Variants in DACH1 observed in about 807,000 individuals in gnomAD.
DACH1 encodes the protein dachshund homolog 1.
A neutral mutation model predicts 54.2 loss-of-function variants in DACH1; 12 were observed. The ratio of observed to expected loss-of-function variants is 0.22; its 90% CI spans 0.14 to 0.36. The LOEUF is 0.36. Ranked by LOEUF, DACH1 falls within the 10% of genes least tolerant of loss-of-function variation. The pLI is 1.00. For synonymous variants in DACH1, 386 were observed against 366.2 expected (o/e 1.05, Z -0.62); for missense variants, 805 against 929.8 (o/e 0.87, Z 1.75).
intron 1 of DACH1, among the ~76,000 whole-genome samples, chr13:71,709,442 G>C (rs1369859711): frequency 2.0e-5 from 3 of 149,400 alleles, no homozygotes; most frequent in Non-Finnish European, 4.5e-5. Flanking sequence ...GTCCTGCTTT[G>C]TCCCACCGAG....
chr13:71,861,479 C>A (rs1874348476), intron 1 of DACH1, among the ~76,000 whole-genome samples: 1 of 151,912 alleles, frequency 6.6e-6, no homozygotes, highest in Admixed American at 6.6e-5. Flanking sequence ...TTTGACTGAA[C>A]AAAGTAAATT....
At chr13:71,826,952 G>T (rs983067155) in intron 1 of DACH1, among the ~76,000 whole-genome samples, 5 of 152,018 alleles carry the variant, frequency 3.3e-5, no homozygotes, top group African/African-American at 4.8e-5. Flanking sequence ...TTACAATTAC[G>T]TATGTACAGG....
At chr13:71,816,779 A>G (rs1438579636) in intron 1 of DACH1, among the ~76,000 whole-genome samples, 2 of 151,942 alleles carry the variant, frequency 1.3e-5, no homozygotes, top group African/African-American at 4.8e-5. Flanking sequence ...ATGGAGATGG[A>G]GGCCATTGTC....
chr13:71,549,456 T>C (rs555060972), intron 6 of DACH1, among the ~76,000 whole-genome samples: 1 of 152,260 alleles, frequency 6.6e-6, no homozygotes, highest in African/African-American at 2.4e-5. Context: ...GTAAAACTAC[T>C]ATAATGTATA....
In DACH1 at chr13:71,560,232, C is replaced by T. The variant is rs192292426; in HGVS notation, c.1300-277G>A. Among the ~76,000 whole-genome samples the T allele has an allele frequency of 2.1e-4, 32 of 152,040 alleles. No homozygotes were observed. In the East Asian group the frequency reaches 2.3e-3, roughly 11 times the overall value. On this transcript the variant is annotated intron_variant, in intron 4 of 10. Transcript: ENST00000613252. The stretch of plus-strand genomic sequence containing the variant: ...GGAGAAAAAGTAAGCCCTAGGAAGA[C>T]GCCCAAAAATAAACAAATAAGAACC...
intron 1 of DACH1, among the ~76,000 whole-genome samples, chr13:71,861,224 G>T (rs2138291509): frequency 6.6e-6 from 1 of 152,078 alleles, no homozygotes; most frequent in South Asian, 2.1e-4. Context: ...GAGGAAAAAA[G>T]CCTGTCGTGT....
intron 10 of DACH1, among the ~76,000 whole-genome samples, chr13:71,451,442 T>C (rs1279535110): frequency 1.3e-5 from 2 of 152,076 alleles, no homozygotes; most frequent in African/African-American, 2.4e-5. Flanking sequence ...TAAAAATATA[T>C]GGAAGGAACT....
At chr13:71,740,319 A>C (rs1884327482) in intron 1 of DACH1, among the ~76,000 whole-genome samples, 1 of 135,288 alleles carries the variant, frequency 7.4e-6, no homozygotes, top group Admixed American at 7.1e-5. Context: ...AAAACAAAAC[A>C]AAAAAAAAAT....
chr13:71,709,163 A>C (rs2138773114), intron 1 of DACH1, among the ~76,000 whole-genome samples: 1 of 152,042 alleles, frequency 6.6e-6, no homozygotes, highest in South Asian at 2.1e-4. Context: ...GTATTTTTTA[A>C]ATGATTTAAC....
intron 2 of DACH1, among the ~76,000 whole-genome samples, chr13:71,670,952 G>A (rs1036844107): frequency 1.3e-5 from 2 of 152,000 alleles, no homozygotes; most frequent in Non-Finnish European, 2.9e-5. Flanking sequence ...AGATTCCTAT[G>A]AATTTTGGCG....
intron 1 of DACH1, among the ~76,000 whole-genome samples, chr13:71,685,392 A>G (rs1417954336): frequency 6.6e-6 from 1 of 152,210 alleles, no homozygotes; most frequent in African/African-American, 2.4e-5. Context: ...ACTACTTTCA[A>G]TTAGGTGAGA....
At chr13:71,482,959 C>A (rs982503361) in intron 7 of DACH1, among the ~76,000 whole-genome samples, 1 of 151,966 alleles carries the variant, frequency 6.6e-6, no homozygotes, top group Non-Finnish European at 1.5e-5. Flanking sequence ...TGCCACCATA[C>A]CCGGCTTATT....
chr13:71,752,396 T>C (rs1884966573), intron 1 of DACH1, among the ~76,000 whole-genome samples: 1 of 152,166 alleles, frequency 6.6e-6, no homozygotes, highest in Non-Finnish European at 1.5e-5. Flanking sequence ...AATAGTAACC[T>C]AGTTTGATAT....
chr13:71,780,247 G>A (rs1272180486), intron 1 of DACH1, among the ~76,000 whole-genome samples: 1 of 152,012 alleles, frequency 6.6e-6, no homozygotes, highest in African/African-American at 2.4e-5. Flanking sequence ...GCAAGTTGAG[G>A]GAACTGAGGA....
intron 1 of DACH1, among the ~76,000 whole-genome samples, chr13:71,707,424 G>A (rs148561780): frequency 5.1e-4 from 77 of 152,294 alleles, no homozygotes; most frequent in Admixed American, 4.6e-4. Context: ...CTGTGTACAC[G>A]GTGCCCAAAT....
At chr13:71,505,287 C>T (rs1158363258) in intron 6 of DACH1, among the ~76,000 whole-genome samples, 8 of 152,024 alleles carry the variant, frequency 5.3e-5, no homozygotes, top group Non-Finnish European at 1.0e-4. Context: ...TTCCTCATGT[C>T]GTCCAGGATG....
intron 1 of DACH1, among the ~76,000 whole-genome samples, chr13:71,816,321 T>C (rs1450898642): frequency 6.6e-6 from 1 of 151,992 alleles, no homozygotes; most frequent in Non-Finnish European, 1.5e-5. Context: ...CATTTTTGCC[T>C]GGACTCTACT....
At chr13:71,532,036 ACTCT>A (rs909123230) in intron 6 of DACH1, among the ~76,000 whole-genome samples, 6 of 151,708 alleles carry the variant, frequency 4.0e-5, no homozygotes, top group African/African-American at 1.5e-4. Flanking sequence ...TACAATGTTC[ACTCT>A]CTCTTTCATT....
At chr13:71,788,493 T>C (rs1886697408) in intron 1 of DACH1, among the ~76,000 whole-genome samples, 1 of 152,130 alleles carries the variant, frequency 6.6e-6, no homozygotes, top group Admixed American at 6.6e-5. Flanking sequence ...TTTAATATTG[T>C]GATAACTTCC....
Sources: allele counts gnomAD v4.1 joint callset (sites outside exome capture counted in the v4.1 genomes callset), GRCh38; gene constraint gnomAD v4.1.1; transcripts MANE v1.5; gene names NCBI Gene and HGNC (gene_info 2026-07-23, HGNC 2026-07-21).